CSMD3: variants seen among roughly 807,000 people sequenced by gnomAD.
The protein encoded by CSMD3 is CUB and Sushi multiple domains 3.
In CSMD3, 177 loss-of-function variants were observed where a neutral mutation model predicts 435.2. That is an observed-to-expected ratio of 0.41 (90% CI 0.36 to 0.46). CSMD3 has a LOEUF of 0.46. CSMD3 is among the 20% of genes least tolerant of loss of function. The probability of loss-of-function intolerance (pLI) is 0.34; values close to 1 mark genes in which losing one functional copy is unlikely to be tolerated. For missense variants in CSMD3, 4,265 were observed against 4,504.6 expected, an observed-to-expected ratio of 0.95 and a Z score of 1.52; for synonymous variants, 1,656 against 1,520.5, an observed-to-expected ratio of 1.09 and a Z score of -2.07.
At chr8:112,765,549 T>C (rs16884086) in intron 13 of CSMD3, among the ~76,000 whole-genome samples, 3,850 of 151,796 alleles carry the variant, frequency 0.025, 77 homozygotes, top group East Asian at 0.074. Flanking sequence ...GTTTTCTATA[T>C]GAGTGTCAGG....
intron 10 of CSMD3, among the ~76,000 whole-genome samples, chr8:112,864,793 T>C (rs78530825): frequency 0.034 from 5,188 of 152,274 alleles, 148 homozygotes; most frequent in Middle Eastern, 0.051. Context: ...GCTAACATCC[T>C]GATTTGAGCA....
At chr8:112,536,558 T>G (rs1386511147) in intron 27 of CSMD3, among the ~76,000 whole-genome samples, 1 of 152,288 alleles carries the variant, frequency 6.6e-6, no homozygotes, top group South Asian at 2.1e-4. Flanking sequence ...GGAACACTTT[T>G]ACACTGTTGG....
intron 5 of CSMD3, among the ~76,000 whole-genome samples, chr8:113,093,867 A>C (rs576823457): frequency 6.6e-6 from 1 of 152,248 alleles, no homozygotes; most frequent in African/African-American, 2.4e-5. Context: ...TAGATTTTCT[A>C]TGTTATATAA....
chr8:112,873,265 A>G (rs1160725971), intron 10 of CSMD3, among the ~76,000 whole-genome samples: 1 of 152,028 alleles, frequency 6.6e-6, no homozygotes, highest in Non-Finnish European at 1.5e-5. Flanking sequence ...ACAAGAAATT[A>G]ACTGAAATTT....
intron 4 of CSMD3, among the ~76,000 whole-genome samples, chr8:113,120,638 A>G (rs941535181): frequency 1.3e-5 from 2 of 152,180 alleles, no homozygotes; most frequent in African/African-American, 2.4e-5. Context: ...AACTTACTAT[A>G]GCCAAAATGC....
At chr8:112,617,778 C>T (rs1371441754) in intron 22 of CSMD3, among the ~76,000 whole-genome samples, 1 of 152,090 alleles carries the variant, frequency 6.6e-6, no homozygotes, top group Non-Finnish European at 1.5e-5. Flanking sequence ...CTATTCCAAG[C>T]TTTCAGAATA....
At chr8:113,273,238 C>T (rs1406234304) in intron 3 of CSMD3, among the ~76,000 whole-genome samples, 1 of 151,780 alleles carries the variant, frequency 6.6e-6, no homozygotes, top group Non-Finnish European at 1.5e-5. Context: ...TGACTTCTAA[C>T]TTCACATTTT....
chr8:112,402,122 G>A (rs1415571901), intron 35 of CSMD3, among the ~76,000 whole-genome samples: 1 of 152,110 alleles, frequency 6.6e-6, no homozygotes, highest in Non-Finnish European at 1.5e-5. Context: ...TAGTCATTTA[G>A]CCATAATGAA....
intron 29 of CSMD3, among the ~76,000 whole-genome samples, chr8:112,504,245 A>T (rs1198978675): frequency 2.0e-5 from 3 of 152,130 alleles, no homozygotes; most frequent in African/African-American, 7.2e-5. Context: ...AAGTGATTGT[A>T]AGACAAAGAG....
At chr8:112,627,864 T>C (rs1374349696) in intron 22 of CSMD3, among the ~76,000 whole-genome samples, 1 of 152,204 alleles carries the variant, frequency 6.6e-6, no homozygotes, top group East Asian at 1.9e-4. Context: ...CCAAAGTTTG[T>C]GGCAGACACA....
At chr8:113,200,285 T>C (rs1291015315) in intron 3 of CSMD3, among the ~76,000 whole-genome samples, 1 of 151,820 alleles carries the variant, frequency 6.6e-6, no homozygotes, top group Non-Finnish European at 1.5e-5. Flanking sequence ...TCAATCTCCA[T>C]TGCTACCACC....
In CSMD3 at chr8:112,506,847, A is replaced by C. The variant is rs1822581929; in HGVS notation, c.4757-18T>G. 6.2e-7 allele frequency: 1 copy of C among 1,600,640 alleles called. No homozygotes were observed. The highest frequency in any genetic ancestry group is 2.3e-5 in the East Asian group (1 of 44,292). On this transcript the variant is annotated intron_variant, in intron 28 of 70. Transcript: ENST00000297405. Reference sequence around the variant, plus strand: ...ACAGGGTGCTTTAATTTAAACAAACAAATAAAATCTCTTTAAACATTAATA... The same window carrying C: ...ACAGGGTGCTTTAATTTAAACAAACCAATAAAATCTCTTTAAACATTAATA...
chr8:112,288,692 G>A (rs184546178), intron 57 of CSMD3, among the ~76,000 whole-genome samples: 1 of 151,738 alleles, frequency 6.6e-6, no homozygotes, highest in Non-Finnish European at 1.5e-5. Flanking sequence ...GATCTAAAAC[G>A]TAAATGGTGT....
intron 6 of CSMD3, among the ~76,000 whole-genome samples, chr8:113,017,815 G>C (rs1469846621): frequency 6.6e-6 from 1 of 151,890 alleles, no homozygotes; most frequent in Non-Finnish European, 1.5e-5. Context: ...GCCTTAAACT[G>C]TTTAAGATTC....
intron 10 of CSMD3, among the ~76,000 whole-genome samples, chr8:112,875,626 C>CT (rs1587544694): frequency 6.6e-6 from 1 of 152,020 alleles, no homozygotes. Flanking sequence ...CCTTTTCATT[C>CT]TTTTTTTCTC....
intron 13 of CSMD3, among the ~76,000 whole-genome samples, chr8:112,781,018 T>G (rs1587273297): frequency 1.3e-5 from 2 of 152,090 alleles, no homozygotes; most frequent in East Asian, 3.9e-4. Context: ...CACCCACCCC[T>G]AACTCCAGGC....
chr8:112,442,846 G>T (rs1270739567), intron 32 of CSMD3, among the ~76,000 whole-genome samples: 1 of 152,182 alleles, frequency 6.6e-6, no homozygotes, highest in East Asian at 1.9e-4. Flanking sequence ...ATACAAGTGA[G>T]TCAGATTCAA....
intron 32 of CSMD3, among the ~76,000 whole-genome samples, chr8:112,465,910 G>A (rs993962191): frequency 2.6e-5 from 4 of 151,448 alleles, no homozygotes; most frequent in Non-Finnish European, 5.9e-5. Flanking sequence ...AGGAGGCGAA[G>A]GTTGCAGTGA....
chr8:113,409,526 T>C (rs2094548732), intron 1 of CSMD3, among the ~76,000 whole-genome samples: 2 of 152,190 alleles, frequency 1.3e-5, no homozygotes, highest in African/African-American at 4.8e-5. Flanking sequence ...CGGCACTGTA[T>C]ATTCATGCCT....
Sources: gnomAD v4.1 joint callset for allele counts (sites outside exome capture counted in the v4.1 genomes callset) on GRCh38, gnomAD v4.1.1 for gene constraint, MANE v1.5 for transcripts, NCBI Gene and HGNC (gene_info 2026-07-23, HGNC 2026-07-21) for gene names.